CDH7: variants seen among roughly 807,000 people sequenced by gnomAD.
The protein encoded by CDH7 is cadherin 7.
CDH7 carries 25 observed loss-of-function variants against 71.8 expected under a neutral mutation model. The observed-to-expected ratio is 0.35, with a 90% CI of 0.25 to 0.49. CDH7 has a LOEUF of 0.49. CDH7 is among the 20% of genes least tolerant of loss of function. The pLI is 0.99. For synonymous variants in CDH7, 381 were observed against 363.8 expected, an observed-to-expected ratio of 1.05 and a Z score of -0.54; for missense variants, 862 against 974.6, an observed-to-expected ratio of 0.88 and a Z score of 1.54.
intron 11 of CDH7, among the ~76,000 whole-genome samples, chr18:65,864,732 C>CA (rs1294830486): frequency 3.3e-4 from 49 of 148,706 alleles, no homozygotes; most frequent in Middle Eastern, 3.4e-3. Flanking sequence ...ACTAAAAATA[C>CA]AAAAAAAAAT....
chr18:65,826,389 A>G (rs1285491741), intron 6 of CDH7, among the ~76,000 whole-genome samples: 1 of 151,228 alleles, frequency 6.6e-6, no homozygotes, highest in East Asian at 1.9e-4. Flanking sequence ...GAAAATATAG[A>G]AACATTATAA....
chr18:65,848,826 G>T (rs531641527), intron 7 of CDH7, among the ~76,000 whole-genome samples: 1 of 105,790 alleles, frequency 9.5e-6, no homozygotes, highest in Non-Finnish European at 2.2e-5. Flanking sequence ...AGGATACTTG[G>T]ATAATATTTA....
At chr18:65,866,308 A>AC (rs1913751940) in intron 11 of CDH7, 1 of 3,666 alleles carries the variant, frequency 2.7e-4, no homozygotes, top group Non-Finnish European at 7.0e-4. Context: ...CAAAAAAAAA[A>AC]AAAAAACAAA....
intron 2 of CDH7, among the ~76,000 whole-genome samples, chr18:65,808,576 G>A (rs563465929): frequency 1.3e-5 from 2 of 152,184 alleles, no homozygotes; most frequent in African/African-American, 4.8e-5. Flanking sequence ...GGCCGTTACA[G>A]TGCAGGGAAA....
At chr18:65,784,001 G>C (rs1047586907) in intron 2 of CDH7, among the ~76,000 whole-genome samples, 1 of 151,980 alleles carries the variant, frequency 6.6e-6, no homozygotes, top group African/African-American at 2.4e-5. Flanking sequence ...GTGCAGGCTG[G>C]AGTGCAATGG....
intron 4 of CDH7, 124 bp from the exon 5 acceptor site, chr18:65,821,953 ATTAT>A: frequency 1.5e-6 from 1 of 683,088 alleles, no homozygotes; most frequent in Admixed American, 2.7e-5. Flanking sequence ...ACACAGTAAA[ATTAT>A]TTAAAGTAAA....
chr18:65,791,649 T>A (rs556002165), intron 2 of CDH7, among the ~76,000 whole-genome samples: 1 of 152,206 alleles, frequency 6.6e-6, no homozygotes, highest in African/African-American at 2.4e-5. Flanking sequence ...TGTTACAGTG[T>A]AGCAAGCTTA....
chr18:65,764,261 A>G (rs957466311), intron 2 of CDH7, among the ~76,000 whole-genome samples: 7 of 151,890 alleles, frequency 4.6e-5, no homozygotes, highest in Admixed American at 6.6e-5. Flanking sequence ...TATTTTATTT[A>G]TGTCTCTATA....
At chr18:65,783,733 C>A (rs1910404237) in intron 2 of CDH7, among the ~76,000 whole-genome samples, 1 of 152,018 alleles carries the variant, frequency 6.6e-6, no homozygotes, top group South Asian at 2.1e-4. Context: ...TAACCTTTTT[C>A]ATGAAAATCC....
chr18:65,826,292 C>G (rs1428250647), intron 6 of CDH7, among the ~76,000 whole-genome samples: 1 of 151,176 alleles, frequency 6.6e-6, no homozygotes, highest in Non-Finnish European at 1.5e-5. Context: ...TTATAGGTAT[C>G]AATATCTGTC....
At chr18:65,785,251 T>A (rs1478030182) in intron 2 of CDH7, among the ~76,000 whole-genome samples, 3 of 150,360 alleles carry the variant, frequency 2.0e-5, no homozygotes, top group African/African-American at 7.5e-5. Context: ...ATATATATAT[T>A]ATTAGGCGAT....
intron 6 of CDH7, among the ~76,000 whole-genome samples, chr18:65,841,288 G>T (rs1000446336): frequency 6.6e-6 from 1 of 152,106 alleles, no homozygotes; most frequent in African/African-American, 2.4e-5. Flanking sequence ...AAAACAAGTT[G>T]CTGTAAAAAA....
Position 65,857,803 on chromosome 18 carries a change from A to C in CDH7, c.1236-13A>C. 6.2e-7 allele frequency: 1 copy of C among 1,608,266 alleles called. No individual in the cohort carries two copies. The highest frequency in any genetic ancestry group is 8.5e-7 in the Non-Finnish European group (1 of 1,177,526). The stretch of plus-strand genomic sequence containing the variant: ...CATGTTGAAGGCTTTTCTTTTCTTC[A>C]ATGTTCAATTAGGTACTCAATTGAC... On this transcript the variant is annotated splice_polypyrimidine_tract_variant and intron_variant, in intron 7 of 11. Coordinates refer to ENST00000397968, the MANE Select transcript of CDH7 (RefSeq NM_004361.5).
intron 6 of CDH7, among the ~76,000 whole-genome samples, chr18:65,836,840 A>G (rs1405313217): frequency 6.6e-6 from 1 of 152,148 alleles, no homozygotes; most frequent in Non-Finnish European, 1.5e-5. Context: ...AAATCAGTAA[A>G]TCTCTATTTT....
chr18:65,782,107 CTTCT>C (rs745442687), intron 2 of CDH7, among the ~76,000 whole-genome samples: 2,630 of 25,056 alleles, frequency 0.1, 257 homozygotes, highest in Middle Eastern at 0.2. Flanking sequence ...TCCTTCCTTC[CTTCT>C]TTCTTTCTTT....
intron 2 of CDH7, among the ~76,000 whole-genome samples, chr18:65,797,313 C>G (rs2143872654): frequency 6.6e-6 from 1 of 152,232 alleles, no homozygotes; most frequent in Middle Eastern, 3.4e-3. Context: ...ACCTCACTCT[C>G]TTTTTTCCCT....
In CDH7 at chr18:65,881,024, A is replaced by C. The variant is rs952119191; in HGVS notation, c.*130A>C. The C allele has an allele frequency of 2.9e-5, 26 of 896,072 alleles. No homozygotes were observed. Among genetic ancestry groups the C allele is most frequent in the Non-Finnish European group, 6.5e-6 (4 of 618,554 alleles). 55.5% of individuals were successfully genotyped at this position (896,072 alleles called of 1,614,324 possible). Reference sequence around the variant, plus strand: ...CCTTGCTGGAGACAGATGGTTGTAAATATTTCTCCATTTTTAATTGTTTAG... The same window carrying C: ...CCTTGCTGGAGACAGATGGTTGTAACTATTTCTCCATTTTTAATTGTTTAG... On this transcript the variant is annotated 3_prime_UTR_variant, in exon 12 of 12. Transcript: ENST00000397968.
intron 2 of CDH7, among the ~76,000 whole-genome samples, chr18:65,790,850 CAG>C (rs1019256929): frequency 1.1e-4 from 17 of 152,180 alleles, no homozygotes; most frequent in Non-Finnish European, 2.5e-4. Flanking sequence ...GCTTAGGCAA[CAG>C]AGTGAAACTC....
chr18:65,854,783 T>C (rs1161991980), intron 7 of CDH7, among the ~76,000 whole-genome samples: 2 of 152,170 alleles, frequency 1.3e-5, no homozygotes, highest in Non-Finnish European at 2.9e-5. Context: ...TGGGTTATAA[T>C]CTCATTAAGT....
Sources: gnomAD v4.1 joint callset for allele counts (sites outside exome capture counted in the v4.1 genomes callset) on GRCh38, gnomAD v4.1.1 for gene constraint, MANE v1.5 for transcripts, NCBI Gene and HGNC (gene_info 2026-07-23, HGNC 2026-07-21) for gene names.